The following ARVCF variants were observed in gnomAD, a reference collection of about 807,000 sequenced individuals.
ARVCF encodes the protein ARVCF delta catenin family member, also known as splicing regulator ARVCF.
ARVCF carries 66 observed loss-of-function variants against 90.9 expected under a neutral mutation model. The ratio of observed to expected loss-of-function variants is 0.73; its 90% CI spans 0.60 to 0.89. ARVCF has a LOEUF of 0.89. ARVCF is among the 40% of genes least tolerant of loss of function. ARVCF has a pLI of 0.00. For missense variants in ARVCF, 1,469 were observed against 1,382.3 expected, an observed-to-expected ratio of 1.06 and a Z score of -1.00; for synonymous variants, 653 against 603.4, an observed-to-expected ratio of 1.08 and a Z score of -1.21.
At chr22:19,972,686 T>G in intron 16 of ARVCF, 51 bp downstream of exon 16, 1 of 1,531,596 alleles carries the variant, frequency 6.5e-7, no homozygotes, top group Admixed American at 2.0e-5. Flanking sequence ...GTCAGGCAAC[T>G]GGGGCAGCTG....
intron 3 of ARVCF, chr22:19,986,826 C>G (rs1943797090): frequency 2.3e-6 from 1 of 428,324 alleles, no homozygotes; most frequent in East Asian, 3.8e-5. Context: ...TCCCGACCCC[C>G]CCAGGCCCCG....
chr22:19,992,824 C>T (rs1018947578), intron 2 of ARVCF, among the ~76,000 whole-genome samples: 3 of 152,180 alleles, frequency 2.0e-5, no homozygotes, highest in East Asian at 1.9e-4. Flanking sequence ...GCAGACCCTG[C>T]GGACAGCTTC....
intron 1 of ARVCF, among the ~76,000 whole-genome samples, chr22:20,014,653 G>A (rs1028539112): frequency 6.6e-6 from 1 of 152,222 alleles, no homozygotes; most frequent in Non-Finnish European, 1.5e-5. Flanking sequence ...TCTACAGAAT[G>A]GGCCCTGACT....
intron 3 of ARVCF, among the ~76,000 whole-genome samples, chr22:19,987,365 G>A (rs1449145421): frequency 4.3e-5 from 6 of 138,818 alleles, no homozygotes; most frequent in South Asian, 2.3e-4. Context: ...GCCCCGGGTC[G>A]CCCCCTGTCC....
intron 5 of ARVCF, 76 bp from the exon 6 acceptor site, chr22:19,980,318 T>G (rs1943424904): frequency 5.5e-6 from 8 of 1,464,500 alleles, no homozygotes; most frequent in Non-Finnish European, 7.2e-6. Flanking sequence ...CCATCACACC[T>G]TCTTCAGGAC....
At chr22:20,009,565 G>A (rs752984881) in intron 2 of ARVCF, among the ~76,000 whole-genome samples, 14 of 152,298 alleles carry the variant, frequency 9.2e-5, no homozygotes, top group Non-Finnish European at 2.1e-4. Context: ...AGATGGCCAG[G>A]GTGGGGACTG....
In ARVCF at chr22:19,974,249, G is replaced by C. The variant is rs758763375; in HGVS notation, c.1961-10C>G. ...TACAGCAGCTCAAAGCCTAGGTGCA[G>C]GGCAACCGCCACCCACGGTCACCCA... On this transcript the variant is annotated splice_polypyrimidine_tract_variant and intron_variant, in intron 11 of 19. Transcript: ENST00000263207. 6.3e-7 allele frequency: 1 copy of C among 1,594,502 alleles called. No individual in the cohort carries two copies. Among genetic ancestry groups the C allele is most frequent in the African/African-American group, 1.3e-5 (1 of 74,504 alleles).
At chr22:19,981,833 G>C in intron 4 of ARVCF, 96 bp from the exon 5 acceptor site, 2 of 1,553,362 alleles carry the variant, frequency 1.3e-6, no homozygotes, top group African/African-American at 1.4e-5. Context: ...CTCGAGCAAT[G>C]AGAGGCCCCA....
intron 2 of ARVCF, among the ~76,000 whole-genome samples, chr22:20,000,303 T>C (rs1275964932): frequency 6.6e-6 from 1 of 152,256 alleles, no homozygotes; most frequent in Non-Finnish European, 1.5e-5. Flanking sequence ...AGCTGGATGC[T>C]GGCCTTGCCG....
At chr22:19,984,785 C>G (rs1382950474) in intron 3 of ARVCF, among the ~76,000 whole-genome samples, 2 of 152,230 alleles carry the variant, frequency 1.3e-5, no homozygotes, top group African/African-American at 4.8e-5. Context: ...CAGGGCCTCA[C>G]AGAGTCTCAA....
At chr22:19,981,036 T>A in intron 5 of ARVCF, 175 bp downstream of exon 5, 1 of 846,574 alleles carries the variant, frequency 1.2e-6, no homozygotes, top group Admixed American at 3.3e-5. Context: ...CCAGCCGAAC[T>A]CCTACCACCC....
downstream of ARVCF, among the ~76,000 whole-genome samples, chr22:19,968,363 C>A (rs1942537516): frequency 6.6e-6 from 1 of 152,200 alleles, no homozygotes; most frequent in African/African-American, 2.4e-5. Context: ...GCACCCAAGT[C>A]TTGTACAGTC....
intron 2 of ARVCF, 106 bp from the exon 3 acceptor site, chr22:19,990,918 C>T: frequency 9.2e-7 from 1 of 1,089,616 alleles, no homozygotes; most frequent in East Asian, 2.6e-5. Context: ...ACTCCCAGAC[C>T]AGAGCATCCA....
intron 11 of ARVCF, 71 bp from the exon 12 acceptor site, chr22:19,974,310 C>T: frequency 6.7e-7 from 1 of 1,486,452 alleles, no homozygotes; most frequent in African/African-American, 1.4e-5. Context: ...CTCCCGCTTC[C>T]CGCTTCAGAG....
At chr22:19,998,757 A>C (rs904664509) in intron 2 of ARVCF, among the ~76,000 whole-genome samples, 1 of 152,186 alleles carries the variant, frequency 6.6e-6, no homozygotes, top group African/African-American at 2.4e-5. Flanking sequence ...GGGGACAGGA[A>C]GTCCTCCGTG....
At chr22:19,975,904 G>A in intron 10 of ARVCF, 147 bp from the exon 11 acceptor site, 1 of 770,094 alleles carries the variant, frequency 1.3e-6, no homozygotes, top group South Asian at 1.7e-5. Flanking sequence ...GAGCACCGTT[G>A]TCAGAGTTTG....
At chr22:19,973,076 C>A (rs769820569) in intron 14 of ARVCF, 40 bp from the exon 15 acceptor site, 2 of 1,607,506 alleles carry the variant, frequency 1.2e-6, no homozygotes, top group Non-Finnish European at 1.7e-6. Flanking sequence ...GCCCCTCCCC[C>A]ACCTCCGCGG....
intron 2 of ARVCF, among the ~76,000 whole-genome samples, chr22:20,006,124 ATGGGT>A (rs746056116): frequency 1.5e-3 from 231 of 152,324 alleles, no homozygotes; most frequent in African/African-American, 5.2e-3. Context: ...GAGTTTTCTA[ATGGGT>A]ACAGAGTTTC....
intron 2 of ARVCF, among the ~76,000 whole-genome samples, chr22:20,008,981 C>T (rs1429230341): frequency 6.6e-6 from 1 of 152,150 alleles, no homozygotes; most frequent in Non-Finnish European, 1.5e-5. Flanking sequence ...GGAGAGTGAG[C>T]AAGTGTGCCT....
Sources: gnomAD v4.1 joint callset for allele counts (sites outside exome capture counted in the v4.1 genomes callset) on GRCh38, gnomAD v4.1.1 for gene constraint, MANE v1.5 for transcripts, NCBI Gene and HGNC (gene_info 2026-07-23, HGNC 2026-07-21) for gene names.